The following LARGE1 variants were observed in gnomAD, a reference collection of about 807,000 sequenced individuals.
LARGE1 encodes LARGE xylosyl- and glucuronyltransferase 1, also known as xylosyl- and glucuronyltransferase LARGE1.
In LARGE1, 43 loss-of-function variants were observed where a neutral mutation model predicts 87.6. The observed-to-expected ratio is 0.49, with a 90% CI of 0.38 to 0.63. The LOEUF is 0.63. LARGE1 is among the 30% of genes least tolerant of loss of function. The probability of loss-of-function intolerance (pLI) is 0.00; values close to 1 mark genes in which losing one functional copy is unlikely to be tolerated. For synonymous variants in LARGE1, 434 were observed against 394.6 expected, an observed-to-expected ratio of 1.10 and a Z score of -1.18; for missense variants, 802 against 1,000.2, an observed-to-expected ratio of 0.80 and a Z score of 2.67.
the LARGE1 span, among the ~76,000 whole-genome samples, chr22:33,080,924 A>C: frequency 6.6e-6 from 1 of 151,396 alleles, no homozygotes; most frequent in South Asian, 2.1e-4. Flanking sequence ...CCATCTATCC[A>C]TCTGCTCATC....
chr22:33,302,067 G>C (rs959047085), intron 12 of LARGE1, among the ~76,000 whole-genome samples: 1 of 152,152 alleles, frequency 6.6e-6, no homozygotes, highest in Non-Finnish European at 1.5e-5. Flanking sequence ...GTCCAATCCT[G>C]AAGCCTCTTT....
chr22:33,431,632 T>C (rs1244572281), intron 7 of LARGE1, among the ~76,000 whole-genome samples: 1 of 152,150 alleles, frequency 6.6e-6, no homozygotes, highest in Admixed American at 6.5e-5. Flanking sequence ...CAATGAAATA[T>C]GAAATTACGT....
chr22:33,574,946 A>G (rs995911369), intron 5 of LARGE1, among the ~76,000 whole-genome samples: 2 of 152,140 alleles, frequency 1.3e-5, no homozygotes, highest in Non-Finnish European at 2.9e-5. Flanking sequence ...TATTTTTGGA[A>G]TATACTCTAA....
chr22:33,854,462 T>C (rs552831176), intron 1 of LARGE1, among the ~76,000 whole-genome samples: 1 of 152,246 alleles, frequency 6.6e-6, no homozygotes, highest in East Asian at 1.9e-4. Context: ...TTCTCCATCA[T>C]GAGTCTTATT....
chr22:33,829,505 G>T (rs957447351), intron 1 of LARGE1, among the ~76,000 whole-genome samples: 8 of 152,022 alleles, frequency 5.3e-5, no homozygotes, highest in African/African-American at 1.9e-4. Flanking sequence ...CTGTATCCCC[G>T]GTGCTTAGTA....
At chr22:33,855,010 C>T (rs182530677) in intron 1 of LARGE1, among the ~76,000 whole-genome samples, 79 of 152,136 alleles carry the variant, frequency 5.2e-4, no homozygotes, top group Non-Finnish European at 9.7e-4. Flanking sequence ...TCAGGAGGCC[C>T]GGGCAGTCAT....
At chr22:33,796,135 T>A (rs1311801315) in intron 1 of LARGE1, among the ~76,000 whole-genome samples, 1 of 152,204 alleles carries the variant, frequency 6.6e-6, no homozygotes, top group Non-Finnish European at 1.5e-5. Flanking sequence ...AAATGTGGCA[T>A]TTGTATGTAC....
At chr22:33,354,341 A>G (rs1940691654) in intron 9 of LARGE1, among the ~76,000 whole-genome samples, 1 of 152,242 alleles carries the variant, frequency 6.6e-6, no homozygotes, top group South Asian at 2.1e-4. Flanking sequence ...TAACTTTGAA[A>G]ATTAACTTGC....
At chr22:33,390,373 G>A (rs1303296511) in intron 7 of LARGE1, among the ~76,000 whole-genome samples, 1 of 152,208 alleles carries the variant, frequency 6.6e-6, no homozygotes, top group East Asian at 1.9e-4. Flanking sequence ...GAACCGAGGT[G>A]CTGAGGATGG....
intron 3 of LARGE1, among the ~76,000 whole-genome samples, chr22:33,649,247 C>T (rs1178987060): frequency 1.3e-5 from 2 of 152,174 alleles, no homozygotes; most frequent in Non-Finnish European, 2.9e-5. Flanking sequence ...GTCTACATCA[C>T]TGAGGAAGCC....
At chr22:33,349,748 G>C (rs1034618308) in intron 9 of LARGE1, among the ~76,000 whole-genome samples, 4 of 152,252 alleles carry the variant, frequency 2.6e-5, no homozygotes, top group Non-Finnish European at 5.9e-5. Flanking sequence ...TTTCAGCCAT[G>C]GAAGTTTTGC....
At chr22:33,907,732 C>T (rs1336443241) in intron 1 of LARGE1, among the ~76,000 whole-genome samples, 1 of 152,116 alleles carries the variant, frequency 6.6e-6, no homozygotes, top group African/African-American at 2.4e-5. Flanking sequence ...GTAGGTGGGA[C>T]TACAGGCGCC....
chr22:33,796,871 TCTC>T (rs2146035189), intron 1 of LARGE1, among the ~76,000 whole-genome samples: 1 of 150,744 alleles, frequency 6.6e-6, no homozygotes, highest in East Asian at 2.0e-4. Flanking sequence ...TTCAAGCAAT[TCTC>T]CTACCCTAGC....
At chr22:33,723,178 T>C (rs903580766) in intron 2 of LARGE1, among the ~76,000 whole-genome samples, 1 of 152,098 alleles carries the variant, frequency 6.6e-6, no homozygotes, top group African/African-American at 2.4e-5. Flanking sequence ...AGGAAGCCAT[T>C]AGAGACAATT....
chr22:33,381,407 GC>G (rs1323393249), intron 9 of LARGE1, among the ~76,000 whole-genome samples: 2 of 152,040 alleles, frequency 1.3e-5, no homozygotes, highest in Admixed American at 6.6e-5. Context: ...GTCATTGTCC[GC>G]CCTCTGTGAG....
chr22:33,496,010 C>T (rs1465934626), intron 6 of LARGE1, among the ~76,000 whole-genome samples: 2 of 152,104 alleles, frequency 1.3e-5, no homozygotes, highest in African/African-American at 2.4e-5. Flanking sequence ...CTGACTCACA[C>T]AATCACAAGT....
At chr22:33,606,518 G>A (rs530233249) in intron 4 of LARGE1, among the ~76,000 whole-genome samples, 8 of 152,114 alleles carry the variant, frequency 5.3e-5, no homozygotes, top group African/African-American at 9.6e-5. Context: ...CTCGGCCGTC[G>A]GCATGGTCAC....
intron 1 of LARGE1, among the ~76,000 whole-genome samples, chr22:33,841,891 G>A (rs142413802): frequency 1.6e-3 from 251 of 152,292 alleles, no homozygotes; most frequent in Middle Eastern, 6.8e-3. Context: ...CAAATCTCCT[G>A]GGACCGAGTA....
At chr22:33,322,096 G>A (rs1193552846) in intron 10 of LARGE1, among the ~76,000 whole-genome samples, 3 of 152,168 alleles carry the variant, frequency 2.0e-5, no homozygotes, top group African/African-American at 7.2e-5. Context: ...TGAGATTACG[G>A]GCATGAGCTA....
Sources: gnomAD v4.1 joint callset for allele counts (sites outside exome capture counted in the v4.1 genomes callset) on GRCh38, gnomAD v4.1.1 for gene constraint, MANE v1.5 for transcripts, NCBI Gene and HGNC (gene_info 2026-07-23, HGNC 2026-07-21) for gene names.